Variants in POTEF observed in about 807,000 individuals in gnomAD.
POTEF encodes POTE ankyrin domain family member F.
POTEF carries 20 observed loss-of-function variants against 83.2 expected under a neutral mutation model. The ratio of observed to expected loss-of-function variants is 0.24; its 90% CI spans 0.17 to 0.35. POTEF has a LOEUF of 0.35. POTEF is among the 10% of genes least tolerant of loss of function. The pLI, the probability that POTEF is intolerant of heterozygous loss-of-function variation, is 1.00. For synonymous variants in POTEF, 196 were observed against 446.4 expected (o/e 0.44, Z 7.07); for missense variants, 550 against 1,203.2 (o/e 0.46, Z 8.03).
At chr2:130,126,499 A>C in intron 2 of POTEF, among the ~76,000 whole-genome samples, 1 of 152,064 alleles carries the variant, frequency 6.6e-6, no homozygotes, top group African/African-American at 2.4e-5. Flanking sequence ...TGATTCTCTG[A>C]ATAACTACTT....
chr2:130,129,212 G>A lies in POTEF; in HGVS notation c.-390C>T, dbSNP rs1428471325. 7.1e-6 allele frequency: 1 copy of A among 141,062 alleles called. No individual in the cohort carries two copies. Among genetic ancestry groups the A allele is most frequent in the Non-Finnish European group, 1.5e-5 (1 of 65,432 alleles). 8.7% of individuals were successfully genotyped at this position (141,062 alleles called of 1,614,324 possible). On this transcript the variant is annotated 5_prime_UTR_variant, in exon 1 of 17. Coordinates refer to ENST00000409914, the MANE Select transcript of POTEF (RefSeq NM_001099771.2). ...CTACTCGTCTTCCTGCCTGGCAGGA[G>A]AAGCTCCCGCTACTGGTTGCCCTCC... is the stretch of plus-strand genomic sequence containing the variant.
At chr2:130,075,972 T>C (rs950614160) in intron 16 of POTEF, among the ~76,000 whole-genome samples, 1 of 144,314 alleles carries the variant, frequency 6.9e-6, no homozygotes, top group African/African-American at 2.6e-5. Flanking sequence ...AGGTTTACAC[T>C]CTGATATCTA....
intron 2 of POTEF, among the ~76,000 whole-genome samples, chr2:130,123,271 C>T (rs1488128727): frequency 1.2e-4 from 18 of 148,044 alleles, no homozygotes; most frequent in African/African-American, 3.3e-4. Flanking sequence ...TGTGGTCTCT[C>T]GGAACAAATC....
At chr2:130,121,210 T>G (rs1159920345) in intron 2 of POTEF, among the ~76,000 whole-genome samples, 11 of 149,934 alleles carry the variant, frequency 7.3e-5, no homozygotes, top group East Asian at 2.0e-4. Context: ...ACGCGCCTGC[T>G]TAAGTCTTGG....
At position 130,114,762 on chromosome 2, in the gene POTEF, A is replaced by G. The variant is rs1460200335; in HGVS notation, c.810+119T>C. 32 of 1,481,558 alleles carry G rather than the reference A, an allele frequency of 2.2e-5. No homozygotes were observed. The East Asian group carries it at 6.4e-4, about 30-fold the overall frequency. 91.8% of individuals were successfully genotyped at this position (1,481,558 alleles called of 1,614,324 possible). On this transcript the variant is annotated intron_variant, in intron 5 of 16. Coordinates refer to ENST00000409914, the MANE Select transcript of POTEF (RefSeq NM_001099771.2). ...AAGTCTTAGATAATTAGGTCATTTC[A>G]AAATATTTCCATTCAGGTTATGCTT...
chr2:130,074,904 A>T lies in POTEF; in HGVS notation c.2568T>A (p.Gly856=), dbSNP rs1683736308. 6.3e-7 allele frequency: 1 copy of T among 1,597,536 alleles called. No homozygotes were observed. Residue 856 remains glycine, a synonymous_variant, in exon 17 of 17, where the codon GGT becomes GGA. Coordinates refer to ENST00000409914, the MANE Select transcript of POTEF (RefSeq NM_001099771.2). ...TGGGCACAGTGTGGGTGACCCCGTC[A>T]CCAGAGTCCATCACGATGCCAGTAG... ...GRTTGIVMDS[G]DGVTHTVPIY...
chr2:130,126,030 G>A (rs534882938), intron 2 of POTEF, among the ~76,000 whole-genome samples: 41 of 151,816 alleles, frequency 2.7e-4, no homozygotes, highest in African/African-American at 9.0e-4. Flanking sequence ...AGAGCCAGGC[G>A]TGGTGGCTCA....
At chr2:130,113,100 G>A (rs1048953149) in intron 5 of POTEF, among the ~76,000 whole-genome samples, 1 of 142,304 alleles carries the variant, frequency 7.0e-6, no homozygotes, top group Non-Finnish European at 1.5e-5. Flanking sequence ...AGTCAGACTA[G>A]GTCAGGAATG....
Position 130,075,481 on chromosome 2 carries a change from G to T in POTEF, c.1991C>A (p.Thr664Lys), listed in dbSNP as rs781472805. 4.3e-6 allele frequency: 7 copies of T among 1,611,072 alleles called. No homozygotes were observed. Among genetic ancestry groups the T allele is most frequent in the Non-Finnish European group, 5.9e-6 (7 of 1,179,602 alleles). The change falls in exon 17 of 17, where the codon ACA becomes AAA. Residue 664 changes from threonine (T) to lysine (K), a missense_variant. Coordinates refer to ENST00000409914, the MANE Select transcript of POTEF (RefSeq NM_001099771.2). ...EIAMLRLELD[T>K]MKHQSQLREK... Reference sequence around the variant, plus strand: ...TCTTAGCTGGCTCTGATGTTTCATTGTGTCTAGCTCCAGTCTTAGCATGGC... The same window carrying T: ...TCTTAGCTGGCTCTGATGTTTCATTTTGTCTAGCTCCAGTCTTAGCATGGC...
rs1191388750 is a variant in POTEF at position 130,077,709 on chromosome 2, CAGG to C, written c.1779-511_1779-509del. Among the ~76,000 whole-genome samples, 12 of 84,840 alleles carry C rather than the reference CAGG, an allele frequency of 1.4e-4. 3 individuals carry two copies. The highest frequency in any genetic ancestry group is 2.9e-4 in the Non-Finnish European group (12 of 41,148). The allele number at this position is 84,840 out of a possible 152,430, so 55.7% of individuals were successfully genotyped here. The stretch of plus-strand genomic sequence containing the variant: ...CAATCTAATGCCACCGCTGATCTGA[CAGG>C]AGGAGGAGCTTGGGCGGTAATGCGA... On this transcript the variant is annotated intron_variant, in intron 15 of 16. Transcript: ENST00000409914.
intron 7 of POTEF, chr2:130,109,428 A>G (rs560580088): frequency 1.1e-4 from 16 of 144,076 alleles, no homozygotes; most frequent in Non-Finnish European, 1.6e-4. Flanking sequence ...TGTGAGCTAG[A>G]GTTTGAAAAT....
rs1684966977 is a variant in POTEF at position 130,120,342 on chromosome 2, C to T, written c.174G>A (p.Arg58=). ...GGCGGCACCACTTGCCCATCTTGCT[C>T]CTGAGTGTCTTCATAGCAGAGTCGT... ...DHDDSAMKTL[R]SKMGKWCRHC... is the part of the protein sequence containing the mutation. Residue 58 remains arginine, a synonymous_variant, in exon 3 of 17, where the codon AGG becomes AGA. Coordinates refer to ENST00000409914, the MANE Select transcript of POTEF (RefSeq NM_001099771.2). The T allele has an allele frequency of 2.5e-6, 4 of 1,611,370 alleles. No homozygotes were observed. The highest frequency in any genetic ancestry group is 2.2e-5 in the South Asian group (2 of 90,994).
intron 9 of POTEF, among the ~76,000 whole-genome samples, chr2:130,101,554 G>A (rs1051342267): frequency 1.3e-5 from 2 of 150,044 alleles, no homozygotes; most frequent in African/African-American, 5.1e-5. Flanking sequence ...AGACCATAAG[G>A]CAGAATATAT....
chr2:130,128,930 C>T (rs1256114137), intron 1 of POTEF, 142 bp downstream of exon 1: 2 of 123,000 alleles, frequency 1.6e-5, no homozygotes, highest in East Asian at 2.4e-4. Context: ...AAAACCGCCC[C>T]CCTCCACCGC....
intron 1 of POTEF, among the ~76,000 whole-genome samples, chr2:130,128,441 G>A (rs1558899599): frequency 6.6e-6 from 1 of 151,518 alleles, no homozygotes; most frequent in Non-Finnish European, 1.5e-5. Flanking sequence ...ACCACTGGCA[G>A]TATAGCCCCC....
intron 2 of POTEF, among the ~76,000 whole-genome samples, chr2:130,126,029 C>A (rs570995382): frequency 6.6e-6 from 1 of 151,280 alleles, no homozygotes; most frequent in African/African-American, 2.4e-5. Context: ...GAGAGCCAGG[C>A]GTGGTGGCTC....
chr2:130,128,608 C>T (rs981318127), intron 1 of POTEF, among the ~76,000 whole-genome samples: 2 of 151,760 alleles, frequency 1.3e-5, no homozygotes, highest in Admixed American at 1.3e-4. Flanking sequence ...ACAACCTGAC[C>T]CAGCCACAGG....
intron 3 of POTEF, among the ~76,000 whole-genome samples, chr2:130,116,362 CA>C (rs1309797048): frequency 1.3e-5 from 2 of 149,234 alleles, no homozygotes; most frequent in Non-Finnish European, 3.0e-5. Flanking sequence ...CTGTTACATT[CA>C]GGGGTACACG....
intron 2 of POTEF, among the ~76,000 whole-genome samples, chr2:130,126,814 A>C (rs1198449166): frequency 6.6e-6 from 1 of 151,956 alleles, no homozygotes; most frequent in Non-Finnish European, 1.5e-5. Flanking sequence ...TGCTTGGCAT[A>C]AAGAAAACAA....
Sources: gnomAD v4.1 joint callset for allele counts (sites outside exome capture counted in the v4.1 genomes callset) on GRCh38, gnomAD v4.1.1 for gene constraint, MANE v1.5 for transcripts, NCBI Gene and HGNC (gene_info 2026-07-23, HGNC 2026-07-21) for gene names.